The following SLCO2A1 variants were observed in gnomAD, a reference collection of about 807,000 sequenced individuals.
SLCO2A1 encodes the protein matrin F/G 1.
Under a neutral mutation model 71.7 loss-of-function variants are expected in SLCO2A1, and 60 were observed. The ratio of observed to expected loss-of-function variants is 0.84; its 90% CI spans 0.68 to 1.04. SLCO2A1 has a LOEUF of 1.04. Among genes scored for constraint, SLCO2A1 ranks in the 50% least tolerant of loss-of-function variants. The probability of loss-of-function intolerance (pLI) is 0.00; values close to 1 mark genes in which losing one functional copy is unlikely to be tolerated. For synonymous variants in SLCO2A1, 308 were observed against 326.7 expected (o/e 0.94, Z 0.62); for missense variants, 745 against 813.4 (o/e 0.92, Z 1.02).
At chr3:133,997,533 G>A (rs946860937) in intron 1 of SLCO2A1, among the ~76,000 whole-genome samples, 2 of 152,230 alleles carry the variant, frequency 1.3e-5, no homozygotes, top group African/African-American at 4.8e-5. Context: ...GACAATCGAG[G>A]CAGAAGCTGG....
chr3:133,949,247 A>C, intron 6 of SLCO2A1: 1 of 432,344 alleles, frequency 2.3e-6, no homozygotes, highest in Non-Finnish European at 4.3e-6. Context: ...TAACTTTCCT[A>C]TGACTGTTGC....
intron 13 of SLCO2A1, among the ~76,000 whole-genome samples, chr3:133,935,294 G>A (rs994161007): frequency 6.6e-6 from 1 of 152,196 alleles, no homozygotes; most frequent in Admixed American, 6.5e-5. Context: ...AGGTGAGGTG[G>A]CTGGAAGGGG....
Position 133,954,985 on chromosome 3 carries a change from G to T in SLCO2A1, c.606C>A (p.Ser202Arg). The T allele has an allele frequency of 6.2e-7, 1 of 1,614,042 alleles. No individual in the cohort carries two copies. Among genetic ancestry groups the T allele is most frequent in the South Asian group, 1.1e-5 (1 of 91,062 alleles). ...ISYVDDFSEPSNSPLYISILF... is the reference protein window; with the variant it reads ...ISYVDDFSEPRNSPLYISILF... ...ACTCACAGATGTACAGGGGCGAGTT[G>T]CTGGGCTCTGAGAAGTCATCCACAT... Residue 202 changes from serine (S) to arginine (R), a missense_variant, in exon 4 of 14, where the codon AGC becomes AGA. Coordinates refer to ENST00000310926, the MANE Select transcript of SLCO2A1 (RefSeq NM_005630.3).
At chr3:133,953,885 C>T in intron 4 of SLCO2A1, 124 bp from the exon 5 acceptor site, 1 of 709,006 alleles carries the variant, frequency 1.4e-6, no homozygotes, top group South Asian at 1.7e-5. Context: ...GATAAGCCCA[C>T]ACCTGTGGCA....
Position 133,987,695 on chromosome 3 carries a change from C to T in SLCO2A1, c.97-8077G>A, listed in dbSNP as rs150799849. ...CTCATATTTGGCTCAGAATAAATCT[C>T]TTCAAATATCTTAGAGTTTGACTCT... On this transcript the variant is annotated intron_variant, in intron 1 of 13. Transcript: ENST00000310926. Among the ~76,000 whole-genome samples the T allele has an allele frequency of 3.7e-3, 569 of 152,312 alleles. 1 individual carries two copies. Among genetic ancestry groups the T allele is most frequent in the Non-Finnish European group, 6.4e-3 (435 of 68,030 alleles).
rs1248134322 is a variant in SLCO2A1 at position 133,971,785 on chromosome 3, AC to A, written c.397+1877del. On this transcript the variant is annotated intron_variant, in intron 3 of 13. Transcript: ENST00000310926. ...TCTCACAAATGTCTATCACAAAACCACAGCCACTTTCCACAGTCCTTAAAAC... is the reference window on the plus strand; with the variant it reads ...TCTCACAAATGTCTATCACAAAACCAAGCCACTTTCCACAGTCCTTAAAAC... Among the ~76,000 whole-genome samples the A allele has an allele frequency of 2.0e-5, 3 of 152,306 alleles. No homozygotes were observed. The East Asian group carries it at 5.8e-4, about 29-fold the overall frequency.
intron 3 of SLCO2A1, among the ~76,000 whole-genome samples, chr3:133,959,559 G>A (rs78795587): frequency 0.025 from 3,751 of 152,178 alleles, 58 homozygotes; most frequent in East Asian, 0.056. Context: ...GCGTGACGGC[G>A]CGCACCTGTA....
intron 3 of SLCO2A1, among the ~76,000 whole-genome samples, chr3:133,973,441 A>T (rs958981296): frequency 3.9e-5 from 6 of 152,342 alleles, no homozygotes; most frequent in Admixed American, 2.6e-4. Context: ...CATTCCTGGC[A>T]TGAAGCACAG....
At chr3:133,935,684 C>G in intron 13 of SLCO2A1, 90 bp downstream of exon 13, 1 of 1,380,678 alleles carries the variant, frequency 7.2e-7, no homozygotes, top group Middle Eastern at 2.0e-4. Context: ...GGAAGCCTGA[C>G]AGCCCCCACA....
intron 13 of SLCO2A1, among the ~76,000 whole-genome samples, chr3:133,935,091 A>G (rs1254091937): frequency 6.6e-6 from 1 of 152,044 alleles, no homozygotes; most frequent in Non-Finnish European, 1.5e-5. Context: ...GCCAGAGGTG[A>G]CCCAGCTGCC....
At chr3:133,938,334 G>T in intron 12 of SLCO2A1, 95 bp downstream of exon 12, 1 of 1,049,668 alleles carries the variant, frequency 9.5e-7, no homozygotes, top group Non-Finnish European at 1.5e-6. Context: ...ATGGAGATGA[G>T]ATGGTGCTTC....
chr3:133,938,526 G>A (rs775884922), intron 11 of SLCO2A1, 33 bp from the exon 12 acceptor site: 76 of 1,604,352 alleles, frequency 4.7e-5, no homozygotes, highest in Non-Finnish European at 3.1e-5. Flanking sequence ...AGCAGTGGGA[G>A]GATTCAGGGC....
chr3:133,986,967 C>A lies in SLCO2A1; in HGVS notation c.97-7349G>T, dbSNP rs551950996. Among the ~76,000 whole-genome samples the A allele has an allele frequency of 3.9e-5, 6 of 152,266 alleles. No homozygotes were observed. In the East Asian group the frequency reaches 1.2e-3, roughly 29 times the overall value. Reference sequence around the variant, plus strand: ...GCATCTAACCGTGGTTATAGGAACACCAGCGGAAGGTCTGAAATGTGATCC... The same window carrying A: ...GCATCTAACCGTGGTTATAGGAACAACAGCGGAAGGTCTGAAATGTGATCC... On this transcript the variant is annotated intron_variant, in intron 1 of 13. Coordinates refer to ENST00000310926, the MANE Select transcript of SLCO2A1 (RefSeq NM_005630.3).
chr3:133,966,210 G>A (rs1024513568), intron 3 of SLCO2A1, among the ~76,000 whole-genome samples: 2 of 152,166 alleles, frequency 1.3e-5, no homozygotes, highest in East Asian at 3.9e-4. Context: ...ATTGGGAAGG[G>A]GAACTTTTGT....
At position 133,955,131 on chromosome 3, in the gene SLCO2A1, T is replaced by TA; in HGVS notation, c.459dup (p.Lys154Ter). The TA allele has an allele frequency of 6.2e-7, 1 of 1,614,134 alleles. No homozygotes were observed. The highest frequency in any genetic ancestry group is 1.1e-5 in the South Asian group (1 of 91,080). On this transcript the variant is annotated frameshift_variant, in exon 4 of 14. Coordinates refer to ENST00000310926, the MANE Select transcript of SLCO2A1 (RefSeq NM_005630.3). LOFTEE classifies it high-confidence loss of function. ...GGGTTCTGGGTGGTGCTGTGGCACT[T>TA]ACTGGGAGGCAGGTCCTGCCAATGC...
chr3:134,008,791 C>T (rs1175657744), intron 1 of SLCO2A1, among the ~76,000 whole-genome samples: 8 of 152,248 alleles, frequency 5.3e-5, no homozygotes, highest in Admixed American at 2.0e-4. Flanking sequence ...GACAGAATCA[C>T]TTCTTGATCT....
At chr3:133,948,262 G>C (rs1453198642) in intron 8 of SLCO2A1, among the ~76,000 whole-genome samples, 3 of 152,180 alleles carry the variant, frequency 2.0e-5, no homozygotes, top group African/African-American at 7.2e-5. Context: ...GGGCCTTTGG[G>C]AAGCTGTCAG....
intron 1 of SLCO2A1, among the ~76,000 whole-genome samples, chr3:133,987,068 A>G (rs1296278230): frequency 6.6e-6 from 1 of 152,016 alleles, no homozygotes; most frequent in African/African-American, 2.4e-5. Context: ...AACCCCAGGG[A>G]AGGAAGACTA....
intron 1 of SLCO2A1, among the ~76,000 whole-genome samples, chr3:133,999,761 A>C (rs1935061729): frequency 6.6e-6 from 1 of 152,200 alleles, no homozygotes. Flanking sequence ...GAAAAATGTA[A>C]GGGTGATTAG....
Sources: allele counts gnomAD v4.1 joint callset (sites outside exome capture counted in the v4.1 genomes callset), GRCh38; gene constraint gnomAD v4.1.1; transcripts MANE v1.5; gene names NCBI Gene and HGNC (gene_info 2026-07-23, HGNC 2026-07-21).